Variants in PLXDC2 observed in about 807,000 individuals in gnomAD.
The protein encoded by PLXDC2 is plexin domain-containing protein 2.
In PLXDC2, 40 loss-of-function variants were observed where a neutral mutation model predicts 68.9. The observed-to-expected ratio is 0.58, with a 90% CI of 0.45 to 0.76. The LOEUF (loss-of-function observed/expected upper bound fraction) is 0.76, where lower values mean the gene tolerates loss of function less well. PLXDC2 is among the 30% of genes least tolerant of loss of function. The probability of loss-of-function intolerance (pLI) is 0.00; values close to 1 mark genes in which losing one functional copy is unlikely to be tolerated. For missense variants in PLXDC2, 644 were observed against 661.9 expected, an observed-to-expected ratio of 0.97 and a Z score of 0.30; for synonymous variants, 243 against 234.2, an observed-to-expected ratio of 1.04 and a Z score of -0.34.
chr10:19,950,845 C>T (rs551900418), intron 1 of PLXDC2, among the ~76,000 whole-genome samples: 3 of 152,242 alleles, frequency 2.0e-5, no homozygotes, highest in African/African-American at 7.2e-5. Context: ...GAAATAAAGC[C>T]ACATACCTAC....
chr10:19,912,998 T>C (rs1472615755), intron 1 of PLXDC2, among the ~76,000 whole-genome samples: 2 of 152,200 alleles, frequency 1.3e-5, no homozygotes, highest in Non-Finnish European at 2.9e-5. Flanking sequence ...AAGCTTTGAC[T>C]CGAGAGCATG....
At chr10:20,134,139 C>T (rs1833903554) in intron 4 of PLXDC2, among the ~76,000 whole-genome samples, 2 of 152,022 alleles carry the variant, frequency 1.3e-5, no homozygotes, top group South Asian at 2.1e-4. Flanking sequence ...TAGTTTTGTA[C>T]TTGTGTTCTC....
intron 4 of PLXDC2, among the ~76,000 whole-genome samples, chr10:20,141,233 A>G (rs1045203904): frequency 6.6e-6 from 1 of 151,998 alleles, no homozygotes; most frequent in African/African-American, 2.4e-5. Context: ...GAGTGGGAGC[A>G]GTTTCTTGGC....
At chr10:19,839,204 A>G (rs1470989233) in intron 1 of PLXDC2, among the ~76,000 whole-genome samples, 11 of 144,710 alleles carry the variant, frequency 7.6e-5, no homozygotes, top group Admixed American at 7.1e-4. Context: ...AAAAAAAAAA[A>G]AGTTACTGCT....
chr10:19,825,252 G>A (rs1304098707), intron 1 of PLXDC2, among the ~76,000 whole-genome samples: 9 of 152,080 alleles, frequency 5.9e-5, no homozygotes, highest in African/African-American at 1.7e-4. Context: ...TGTTGTTCGA[G>A]GTCTCGTCCT....
chr10:19,912,859 A>T (rs920216501), intron 1 of PLXDC2, among the ~76,000 whole-genome samples: 5 of 152,154 alleles, frequency 3.3e-5, no homozygotes, highest in African/African-American at 1.2e-4. Flanking sequence ...ATCTCATTAT[A>T]TTTTTTAAAT....
chr10:20,067,682 C>T (rs190678627), intron 3 of PLXDC2, among the ~76,000 whole-genome samples: 91 of 145,060 alleles, frequency 6.3e-4, no homozygotes, highest in African/African-American at 1.6e-3. Context: ...AGAGAAACTC[C>T]GACTCAAAAA....
At chr10:20,258,979 GCCTGGGCGACAGAGCGATACT>G (rs1165944662) in intron 13 of PLXDC2, among the ~76,000 whole-genome samples, 1 of 147,248 alleles carries the variant, frequency 6.8e-6, no homozygotes, top group Non-Finnish European at 1.5e-5. Context: ...CTGCACTCCA[GCCTGGGCGACAGAGCGATACT>G]CCGTCTCAAA....
At chr10:19,974,069 A>G (rs986205974) in intron 1 of PLXDC2, among the ~76,000 whole-genome samples, 4 of 152,234 alleles carry the variant, frequency 2.6e-5, no homozygotes, top group African/African-American at 4.8e-5. Context: ...AACATTTTCA[A>G]TACTCAACTT....
chr10:20,130,418 T>G (rs1833851727), intron 4 of PLXDC2, among the ~76,000 whole-genome samples: 1 of 152,104 alleles, frequency 6.6e-6, no homozygotes, highest in Admixed American at 6.6e-5. Flanking sequence ...TTTTAAGGGT[T>G]TTGTATATAG....
At chr10:20,109,649 C>G (rs1466481863) in intron 4 of PLXDC2, among the ~76,000 whole-genome samples, 1 of 152,086 alleles carries the variant, frequency 6.6e-6, no homozygotes, top group Non-Finnish European at 1.5e-5. Context: ...TATCTTCTCT[C>G]ACATAGAAGA....
At chr10:20,001,574 C>A (rs542555981) in intron 1 of PLXDC2, among the ~76,000 whole-genome samples, 1 of 152,168 alleles carries the variant, frequency 6.6e-6, no homozygotes, top group Non-Finnish European at 1.5e-5. Flanking sequence ...ACTGTCACAA[C>A]TCCTGGTGTT....
chr10:20,110,867 C>T (rs1248026864), intron 4 of PLXDC2, among the ~76,000 whole-genome samples: 1 of 152,184 alleles, frequency 6.6e-6, no homozygotes, highest in Non-Finnish European at 1.5e-5. Flanking sequence ...CACACAGACT[C>T]TGTTTGAGCC....
intron 4 of PLXDC2, among the ~76,000 whole-genome samples, chr10:20,101,154 A>T (rs1009668275): frequency 6.6e-6 from 1 of 152,180 alleles, no homozygotes; most frequent in African/African-American, 2.4e-5. Context: ...AGTGGCTTCT[A>T]AAAATGATGT....
intron 4 of PLXDC2, among the ~76,000 whole-genome samples, chr10:20,113,811 C>T (rs1833588195): frequency 6.6e-6 from 1 of 152,132 alleles, no homozygotes; most frequent in Admixed American, 6.5e-5. Flanking sequence ...TAATGTGGTG[C>T]TTATCAGAAT....
At chr10:19,958,013 T>C (rs1367583312) in intron 1 of PLXDC2, among the ~76,000 whole-genome samples, 1 of 152,130 alleles carries the variant, frequency 6.6e-6, no homozygotes, top group Non-Finnish European at 1.5e-5. Context: ...TGAGATTGTC[T>C]GACTTAGATC....
chr10:20,206,344 C>T (rs1253963782), intron 9 of PLXDC2, among the ~76,000 whole-genome samples: 1 of 152,026 alleles, frequency 6.6e-6, no homozygotes, highest in African/African-American at 2.4e-5. Context: ...TAATAGTGGA[C>T]ATTTGCACTT....
intron 8 of PLXDC2, 99 bp downstream of exon 8, chr10:20,177,193 A>G: frequency 7.4e-7 from 1 of 1,353,342 alleles, no homozygotes; most frequent in Non-Finnish European, 1.1e-6. Context: ...AATTACCATT[A>G]TAATTGTGTT....
At chr10:20,256,901 G>A (rs1273564620) in intron 13 of PLXDC2, among the ~76,000 whole-genome samples, 1 of 152,158 alleles carries the variant, frequency 6.6e-6, no homozygotes, top group African/African-American at 2.4e-5. Context: ...TTCATGAAAA[G>A]CAGGATAGCA....
Sources: gnomAD v4.1 joint callset for allele counts (sites outside exome capture counted in the v4.1 genomes callset) on GRCh38, gnomAD v4.1.1 for gene constraint, MANE v1.5 for transcripts, NCBI Gene and HGNC (gene_info 2026-07-23, HGNC 2026-07-21) for gene names.